BOD1L1: variants seen among roughly 807,000 people sequenced by gnomAD.
BOD1L1 encodes biorientation of chromosomes in cell division protein 1-like 1.
In BOD1L1, 86 loss-of-function variants were observed where a neutral mutation model predicts 240.7. The observed-to-expected ratio is 0.36, with a 90% CI of 0.30 to 0.43. The LOEUF (loss-of-function observed/expected upper bound fraction) is 0.43, where lower values mean the gene tolerates loss of function less well. BOD1L1 is among the 20% of genes least tolerant of loss of function. The pLI is 1.00. For missense variants in BOD1L1, 3,554 were observed against 3,643.5 expected (o/e 0.98, Z 0.63); for synonymous variants, 1,268 against 1,272.3 (o/e 1.00, Z 0.07).
rs149137259 is a variant in BOD1L1 at position 13,599,126 on chromosome 4, C to T, written c.7774G>A (p.Val2592Ile). 15 of 1,613,920 alleles carry T rather than the reference C, an allele frequency of 9.3e-6. No individual in the cohort carries two copies. In the Middle Eastern group the frequency reaches 4.9e-4, roughly 53 times the overall value. The stretch of plus-strand genomic sequence containing the variant: ...TCACATTTAGGAGCCAACAGAGCTA[C>T]ACTGTAAGTAGCTGGAGGGATCATT... ...HTMIPPATYS[V>I]ALLAPKCEQD... Residue 2592 changes from valine to isoleucine, a missense_variant, in exon 10 of 26, where the codon GTA (valine) becomes ATA (isoleucine). This residue lies in a region of BOD1L1 where 3,393 missense variants were observed against 3,427.1 expected (regional missense o/e 0.99). Transcript: ENST00000040738.
At chr4:13,587,857 C>CCTG in intron 15 of BOD1L1, 86 bp from the exon 16 acceptor site, 1 of 929,144 alleles carries the variant, frequency 1.1e-6, no homozygotes, top group Non-Finnish European at 1.6e-6. Context: ...AGATTCTAAC[C>CCTG]TTTGGAATAA....
At position 13,613,390 on chromosome 4, in the gene BOD1L1, C is replaced by T. The variant is rs1036318906; in HGVS notation, c.1324+122G>A. Reference sequence around the variant, plus strand: ...GAGCTGGGACTCAGAAACAAATCTTCCAACTACAAAATCCCATGCTCTTGC... The same window carrying T: ...GAGCTGGGACTCAGAAACAAATCTTTCAACTACAAAATCCCATGCTCTTGC... On this transcript the variant is annotated intron_variant, in intron 5 of 25. Coordinates refer to ENST00000040738, the MANE Select transcript of BOD1L1 (RefSeq NM_148894.3). This position sits in a 1 kb window ranked among gnomAD's most constrained non-coding sequence, Gnocchi z 4.0. 9 of 953,330 alleles carry T rather than the reference C, an allele frequency of 9.4e-6. No individual in the cohort carries two copies. Among genetic ancestry groups the T allele is most frequent in the African/African-American group, 3.3e-5 (2 of 60,960 alleles). 59.1% of individuals were successfully genotyped at this position (953,330 alleles called of 1,614,324 possible). A position where few individuals can be genotyped will look rare whatever the true frequency, so the allele number is the denominator to read the frequency against.
intron 13 of BOD1L1, among the ~76,000 whole-genome samples, 180 bp from the exon 14 acceptor site, chr4:13,590,626 G>GA (rs1209037247): frequency 1.3e-5 from 2 of 152,062 alleles, no homozygotes; most frequent in Admixed American, 6.5e-5. Flanking sequence ...TCTTCTTTTT[G>GA]AAAAAATTTC....
rs750338866 is a variant in BOD1L1, at chr4:13,614,239, T to C, written c.1131A>G (p.Glu377=). The C allele has an allele frequency of 1.3e-6, 2 of 1,532,858 alleles. No individual in the cohort carries two copies. Among genetic ancestry groups the C allele is most frequent in the Non-Finnish European group, 1.8e-6 (2 of 1,142,066 alleles). 95.0% of individuals were successfully genotyped at this position (1,532,858 alleles called of 1,614,324 possible). Residue 377 remains glutamate, a synonymous_variant, in exon 4 of 26, where the codon GAA becomes GAG. Transcript: ENST00000040738. ...KEVESLKLPS[E]KNSNKAKTVE... Reference sequence around the variant, plus strand: ...CAGTTTTAGCTTTATTACTGTTCTTTTCTGAAGGAAGTTTTAAACTCTCTA... The same window carrying C: ...CAGTTTTAGCTTTATTACTGTTCTTCTCTGAAGGAAGTTTTAAACTCTCTA...
Position 13,597,152 on chromosome 4 carries a change from T to A in BOD1L1, c.7971A>T (p.Pro2657=). Residue 2657 remains proline, a synonymous_variant, in exon 11 of 26, where the codon CCA becomes CCT. Transcript: ENST00000040738. ...NVCDIGNEES[P]LNVLGGLKLK... is the part of the protein sequence containing the mutation. The stretch of plus-strand genomic sequence containing the variant: ...GTTTCAATCCTCCCAAAACATTCAA[T>A]GGAGACTCTTCATTGCCTAATAAAA... 6.3e-7 allele frequency: 1 copy of A among 1,594,230 alleles called. No individual in the cohort carries two copies. Among genetic ancestry groups the A allele is most frequent in the Non-Finnish European group, 8.6e-7 (1 of 1,169,136 alleles).
intron 17 of BOD1L1, among the ~76,000 whole-genome samples, chr4:13,583,257 A>C (rs10939488): frequency 0.03 from 4,568 of 152,294 alleles, 215 homozygotes; most frequent in African/African-American, 0.1. Flanking sequence ...AAATGTTTCA[A>C]CTATAATACT....
intron 13 of BOD1L1, 121 bp from the exon 14 acceptor site, chr4:13,590,567 G>A: frequency 4.2e-6 from 2 of 478,228 alleles, no homozygotes; most frequent in South Asian, 3.6e-5. Context: ...AAAGGAATTG[G>A]GGTACATATT....
At chr4:13,608,868 T>C (rs767719788) in intron 7 of BOD1L1, among the ~76,000 whole-genome samples, 200 bp from the exon 8 acceptor site, 1 of 152,196 alleles carries the variant, frequency 6.6e-6, no homozygotes, top group African/African-American at 2.4e-5. Flanking sequence ...AGTGTGTGTA[T>C]GTGTGATTTC....
chr4:13,604,853 A>G lies in BOD1L1; in HGVS notation c.2047T>C (p.Ser683Pro). The G allele has an allele frequency of 6.2e-7, 1 of 1,611,888 alleles. No homozygotes were observed. The highest frequency in any genetic ancestry group is 8.5e-7 in the Non-Finnish European group (1 of 1,179,458). Residue 683 changes from serine (S) to proline (P), a missense_variant, in exon 10 of 26, where the codon TCA becomes CCA. Coordinates refer to ENST00000040738, the MANE Select transcript of BOD1L1 (RefSeq NM_148894.3). ...TRDVKRQVER[S>P]EICTEEPQKQ... Reference sequence around the variant, plus strand: ...TGGGGCTCTTCGGTGCAAATTTCTGAGCGTTCTACTTGCCTTTTTACATCT... The same window carrying G: ...TGGGGCTCTTCGGTGCAAATTTCTGGGCGTTCTACTTGCCTTTTTACATCT...
chr4:13,605,332 T>TA (rs1172767786), intron 9 of BOD1L1, among the ~76,000 whole-genome samples: 4 of 152,064 alleles, frequency 2.6e-5, no homozygotes, highest in Admixed American at 1.3e-4. Flanking sequence ...TATTTTACAA[T>TA]AAAAAAACTA....
chr4:13,595,966 A>G (rs774877418), intron 11 of BOD1L1, 22 bp from the exon 12 acceptor site: 1 of 1,604,428 alleles, frequency 6.2e-7, no homozygotes, highest in Non-Finnish European at 8.5e-7. Flanking sequence ...AAAGCACCAT[A>G]AAAATAAGTT....
At chr4:13,617,090 C>CA (rs1193764772) in intron 2 of BOD1L1, among the ~76,000 whole-genome samples, 1 of 151,734 alleles carries the variant, frequency 6.6e-6, no homozygotes, top group African/African-American at 2.4e-5. Context: ...CCTAAAAATA[C>CA]AAAAATTAGC....
At position 13,615,322 on chromosome 4, in the gene BOD1L1, A is replaced by T; in HGVS notation, c.549T>A (p.Leu183=). 6.2e-7 allele frequency: 1 copy of T among 1,609,722 alleles called. No individual in the cohort carries two copies. The highest frequency in any genetic ancestry group is 8.5e-7 in the Non-Finnish European group (1 of 1,177,750). ...APDDEKPDTS[L]ITQGVPTPGP... ...GTAAAAGCAAAGCACCTTGTGTAATAAGGGAAGTGTCTGGTTTCTCATCAT... is the reference window on the plus strand; with the variant it reads ...GTAAAAGCAAAGCACCTTGTGTAATTAGGGAAGTGTCTGGTTTCTCATCAT... The change falls in exon 3 of 26, where the codon CTT becomes CTA. Residue 183 remains leucine, a synonymous_variant. Coordinates refer to ENST00000040738, the MANE Select transcript of BOD1L1 (RefSeq NM_148894.3).
Position 13,601,944 on chromosome 4 carries a change from A to G in BOD1L1, c.4956T>C (p.Asp1652=), listed in dbSNP as rs1271359918. ...VNSVVTEEKD[D]AVTSAGSEEK... ...CTTCAGAGCCTGCACTGGTTACAGC[A>G]TCATCCTTTTCCTCTGTCACAACGC... The change falls in exon 10 of 26, where the codon GAT becomes GAC. Residue 1652 remains aspartate (D), a synonymous_variant. Transcript: ENST00000040738. The G allele has an allele frequency of 6.2e-7, 1 of 1,613,878 alleles. No individual in the cohort carries two copies. The highest frequency in any genetic ancestry group is 8.5e-7 in the Non-Finnish European group (1 of 1,179,910).
At chr4:13,619,783 C>T (rs1178218396) in intron 2 of BOD1L1, among the ~76,000 whole-genome samples, 160 bp downstream of exon 2, 2 of 152,020 alleles carry the variant, frequency 1.3e-5, no homozygotes, top group Non-Finnish European at 2.9e-5. Context: ...TGATTAGACC[C>T]AAATCCAAAA....
Position 13,600,989 on chromosome 4 carries a change from C to G in BOD1L1, c.5911G>C (p.Val1971Leu). ...ATAGGACCCTCACAACCTCCTGGAA[C>G]TGGTGTCACTTCATCCTTTCCTGAG... is the stretch of plus-strand genomic sequence containing the variant. ...AVSGKDEVTP[V>L]PGGCEGPMTS... Residue 1971 changes from valine (V) to leucine (L), a missense_variant, in exon 10 of 26, where the codon GTT becomes CTT. Physicochemically the swap from Val to Leu is conservative, Grantham distance 32. Coordinates refer to ENST00000040738, the MANE Select transcript of BOD1L1 (RefSeq NM_148894.3). The G allele has an allele frequency of 6.2e-7, 1 of 1,614,036 alleles. No individual in the cohort carries two copies. Among genetic ancestry groups the G allele is most frequent in the Non-Finnish European group, 8.5e-7 (1 of 1,179,898 alleles).
At chr4:13,610,623 T>C (rs1026502718) in intron 6 of BOD1L1, among the ~76,000 whole-genome samples, 2 of 152,242 alleles carry the variant, frequency 1.3e-5, no homozygotes, top group Non-Finnish European at 2.9e-5. Context: ...ATTTCATGTT[T>C]AGACTTGCAT....
At chr4:13,619,305 TA>T (rs10650324) in intron 2 of BOD1L1, among the ~76,000 whole-genome samples, 41 of 130,758 alleles carry the variant, frequency 3.1e-4, no homozygotes, top group African/African-American at 9.7e-4. Context: ...TGAGACTCTT[TA>T]AAAAAAAAAA....
intron 1 of BOD1L1, chr4:13,625,043 G>A (rs1560223044): frequency 1.3e-5 from 2 of 150,850 alleles, no homozygotes; most frequent in Non-Finnish European, 3.0e-5. Context: ...TGCATCTGTG[G>A]CTGAATATGT....
Sources: gnomAD v4.1 joint callset for allele counts (sites outside exome capture counted in the v4.1 genomes callset) on GRCh38, gnomAD v4.1.1 for gene constraint, gnomAD v4.1.1 regional missense constraint, Gnocchi (gnomAD v3.1) non-coding constraint, MANE v1.5 for transcripts, NCBI Gene and HGNC (gene_info 2026-07-23, HGNC 2026-07-21) for gene names.